Variants in SCGN observed in about 807,000 individuals in gnomAD.
The protein encoded by SCGN is secretagogin, EF-hand calcium binding protein.
SCGN carries 30 observed loss-of-function variants against 39.7 expected under a neutral mutation model. The ratio of observed to expected loss-of-function variants is 0.76; its 90% CI spans 0.57 to 1.03. The LOEUF is 1.03. Among genes scored for constraint, SCGN ranks in the 50% least tolerant of loss-of-function variants. The probability of loss-of-function intolerance (pLI) is 0.00; values close to 1 mark genes in which losing one functional copy is unlikely to be tolerated. For synonymous variants in SCGN, 106 were observed against 114.1 expected, an observed-to-expected ratio of 0.93 and a Z score of 0.45; for missense variants, 353 against 349.4, an observed-to-expected ratio of 1.01 and a Z score of -0.08.
chr6:25,670,467 A>G (rs1759482166), intron 6 of SCGN, among the ~76,000 whole-genome samples: 1 of 152,212 alleles, frequency 6.6e-6, no homozygotes, highest in South Asian at 2.1e-4. Flanking sequence ...CTCATTTAGC[A>G]TGTTGATTTA....
chr6:25,664,413 T>A (rs780818872), intron 3 of SCGN, among the ~76,000 whole-genome samples: 18 of 152,170 alleles, frequency 1.2e-4, no homozygotes, highest in Admixed American at 2.6e-4. Flanking sequence ...ATTACAAAAC[T>A]TTGGCAAGTT....
rs576239289 is a variant in SCGN at position 25,687,850 on chromosome 6, A to C, written c.528-1322A>C. Among the ~76,000 whole-genome samples, 3 of 151,622 alleles carry C rather than the reference A, an allele frequency of 2.0e-5. No individual in the cohort carries two copies. In the East Asian group the frequency reaches 5.8e-4, roughly 29 times the overall value. On this transcript the variant is annotated intron_variant, in intron 7 of 10. Transcript: ENST00000377961. ...TTAATTCCCTTATTATTTGTTTTGC[A>C]TTTTTTTTGAGTTATTTTCTTAGTG...
At chr6:25,669,087 G>C (rs1322015678) in intron 4 of SCGN, among the ~76,000 whole-genome samples, 1 of 148,226 alleles carries the variant, frequency 6.7e-6, no homozygotes, top group Non-Finnish European at 1.5e-5. Context: ...GTCCAGCCTG[G>C]GCGACAGAGC....
intron 7 of SCGN, among the ~76,000 whole-genome samples, chr6:25,684,396 C>T (rs1255024983): frequency 1.3e-5 from 2 of 152,280 alleles, no homozygotes; most frequent in South Asian, 2.1e-4. Context: ...GTTCAAGTCC[C>T]ACAATTGGCC....
intron 3 of SCGN, 94 bp downstream of exon 3, chr6:25,661,738 C>A (rs1446862110): frequency 3.6e-6 from 3 of 824,546 alleles, no homozygotes; most frequent in Non-Finnish European, 5.8e-6. Context: ...CTTTGAAAGA[C>A]AATGGAAACT....
chr6:25,664,290 C>G (rs1264225215), intron 3 of SCGN, among the ~76,000 whole-genome samples: 1 of 152,200 alleles, frequency 6.6e-6, no homozygotes, highest in Non-Finnish European at 1.5e-5. Flanking sequence ...AGCAGTCATT[C>G]CTGCTTTTGC....
At chr6:25,689,247 T>A in intron 8 of SCGN, 30 bp downstream of exon 8, 1 of 1,500,296 alleles carries the variant, frequency 6.7e-7, no homozygotes, top group African/African-American at 1.4e-5. Flanking sequence ...TAGATGGGTT[T>A]ATGTCATTGC....
At chr6:25,653,837 A>T (rs1166683304) in intron 2 of SCGN, among the ~76,000 whole-genome samples, 1 of 152,222 alleles carries the variant, frequency 6.6e-6, no homozygotes, top group Non-Finnish European at 1.5e-5. Flanking sequence ...TGGGTGTTTA[A>T]TATGTATGAT....
intron 6 of SCGN, among the ~76,000 whole-genome samples, chr6:25,674,216 A>G (rs1304301674): frequency 1.3e-5 from 2 of 152,188 alleles, no homozygotes; most frequent in Non-Finnish European, 2.9e-5. Flanking sequence ...CTTTTTATGC[A>G]CTGAGGTGAG....
chr6:25,674,199 T>C (rs577045108), intron 6 of SCGN, among the ~76,000 whole-genome samples: 1 of 152,306 alleles, frequency 6.6e-6, no homozygotes, highest in East Asian at 1.9e-4. Flanking sequence ...TATCAGCTTC[T>C]CATTGGCTTT....
intron 10 of SCGN, among the ~76,000 whole-genome samples, chr6:25,694,477 G>A (rs531722511): frequency 3.3e-5 from 5 of 152,142 alleles, no homozygotes; most frequent in South Asian, 2.1e-4. Flanking sequence ...GAAGATCCTC[G>A]CCCCTTTTAG....
At chr6:25,669,693 A>G (rs148303043) in intron 5 of SCGN, 126 bp downstream of exon 5, 21 of 710,326 alleles carry the variant, frequency 3.0e-5, no homozygotes, top group African/African-American at 8.9e-5. Flanking sequence ...AAATACATAC[A>G]TATGTACATA....
chr6:25,701,074 C>T (rs569361029), intron 10 of SCGN, 133 bp from the exon 11 acceptor site: 3 of 914,622 alleles, frequency 3.3e-6, no homozygotes, highest in South Asian at 4.2e-5. Context: ...AGGCGATAGA[C>T]TCATTCCCTC....
chr6:25,680,029 G>A (rs1759618136), intron 6 of SCGN, among the ~76,000 whole-genome samples: 1 of 142,024 alleles, frequency 7.0e-6, no homozygotes, highest in African/African-American at 2.5e-5. Context: ...CTAAATATCA[G>A]TTTCCTTATT....
intron 1 of SCGN, 64 bp downstream of exon 1, chr6:25,652,549 A>G: frequency 6.7e-7 from 1 of 1,485,378 alleles, no homozygotes; most frequent in Middle Eastern, 1.7e-4. Context: ...GCCCGCTGAA[A>G]GGACCTGGAG....
chr6:25,696,098 C>A (rs1345316777), intron 10 of SCGN, among the ~76,000 whole-genome samples: 1 of 152,146 alleles, frequency 6.6e-6, no homozygotes, highest in East Asian at 1.9e-4. Flanking sequence ...AGATGATTGG[C>A]AAGAGGGGAC....
In SCGN at chr6:25,661,611, T is replaced by C; in HGVS notation, c.213T>C (p.Asp71=). The C allele has an allele frequency of 1.9e-6, 3 of 1,613,648 alleles. No individual in the cohort carries two copies. Among genetic ancestry groups the C allele is most frequent in the Non-Finnish European group, 1.7e-6 (2 of 1,179,616 alleles). The change falls in exon 3 of 11, where the codon GAT becomes GAC. Residue 71 remains aspartate, a synonymous_variant. Transcript: ENST00000377961. ...AACAGCAGTTTATGACTACCCAAGATGCCTCTAAAGATGGTCGCATTCGGA... is the reference window on the plus strand; with the variant it reads ...AACAGCAGTTTATGACTACCCAAGACGCCTCTAAAGATGGTCGCATTCGGA... ...KVKQQFMTTQ[D]ASKDGRIRMK... is the part of the protein sequence containing the mutation.
At position 25,654,324 on chromosome 6, in the gene SCGN, G is replaced by T. The variant is rs138392013; in HGVS notation, c.153+872G>T. Among the ~76,000 whole-genome samples, 567 of 152,300 alleles carry T rather than the reference G, an allele frequency of 3.7e-3. 2 individuals carry two copies. The highest frequency in any genetic ancestry group is 0.013 in the African/African-American group (557 of 41,554). ...TGTTGAGAACATGGGGAGGGTATGT[G>T]GGGGGCAGGGGAAGCTGGTTCAGAA... is the stretch of plus-strand genomic sequence containing the variant. On this transcript the variant is annotated intron_variant, in intron 2 of 10. Coordinates refer to ENST00000377961, the MANE Select transcript of SCGN (RefSeq NM_006998.4).
intron 9 of SCGN, 92 bp from the exon 10 acceptor site, chr6:25,690,964 A>G (rs1759766754): frequency 2.1e-6 from 2 of 941,200 alleles, no homozygotes; most frequent in Non-Finnish European, 3.4e-6. Flanking sequence ...CGGCCACACA[A>G]GAATACTGAT....
Sources: gnomAD v4.1 joint callset for allele counts (sites outside exome capture counted in the v4.1 genomes callset) on GRCh38, gnomAD v4.1.1 for gene constraint, MANE v1.5 for transcripts, NCBI Gene and HGNC (gene_info 2026-07-23, HGNC 2026-07-21) for gene names.